Variants in DSE observed in about 807,000 individuals in gnomAD.
The protein encoded by DSE is dermatan sulfate epimerase, also known as dermatan-sulfate epimerase.
A neutral mutation model predicts 84.4 loss-of-function variants in DSE; 36 were observed. The observed-to-expected ratio is 0.43, with a 90% CI of 0.33 to 0.56. DSE has a LOEUF of 0.56. Ranked by LOEUF, DSE falls within the 20% of genes least tolerant of loss-of-function variation. The pLI, the probability that DSE is intolerant of heterozygous loss-of-function variation, is 0.06. For synonymous variants in DSE, 410 were observed against 430.1 expected, an observed-to-expected ratio of 0.95 and a Z score of 0.58; for missense variants, 862 against 1,169.6, an observed-to-expected ratio of 0.74 and a Z score of 3.84.
chr6:116,320,086 A>C (rs1776210963), intron 2 of DSE, among the ~76,000 whole-genome samples: 1 of 152,212 alleles, frequency 6.6e-6, no homozygotes, highest in Non-Finnish European at 1.5e-5. Flanking sequence ...TCAAACACTG[A>C]AATGTTTGTT....
chr6:116,311,708 C>T (rs1775705093), intron 2 of DSE, among the ~76,000 whole-genome samples: 1 of 152,180 alleles, frequency 6.6e-6, no homozygotes, highest in African/African-American at 2.4e-5. Flanking sequence ...ACTTGCGATT[C>T]CTTGTGTATG....
chr6:116,414,639 C>T (rs1046076170), intron 2 of DSE, among the ~76,000 whole-genome samples: 10 of 151,966 alleles, frequency 6.6e-5, no homozygotes, highest in African/African-American at 2.2e-4. Flanking sequence ...CTCGAACTCC[C>T]GACCTCAGGT....
chr6:116,277,066 CTGT>C (rs1380460080), intron 2 of DSE: 2 of 152,338 alleles, frequency 1.3e-5, no homozygotes, highest in Non-Finnish European at 2.9e-5. Context: ...GCAAGTAAGA[CTGT>C]TGTTCTTCCA....
intron 2 of DSE, among the ~76,000 whole-genome samples, chr6:116,424,304 T>C (rs1783287810): frequency 6.6e-6 from 1 of 152,252 alleles, no homozygotes; most frequent in Non-Finnish European, 1.5e-5. Context: ...TCTCATAGTC[T>C]GTTTACAAAC....
chr6:116,432,117 T>C (rs985793534), intron 4 of DSE, among the ~76,000 whole-genome samples: 2 of 152,234 alleles, frequency 1.3e-5, no homozygotes, highest in African/African-American at 4.8e-5. Flanking sequence ...GCTTTGTTGC[T>C]TTTTCTTAGA....
chr6:116,294,352 G>A (rs1324979577), intron 2 of DSE, among the ~76,000 whole-genome samples: 1 of 152,180 alleles, frequency 6.6e-6, no homozygotes, highest in Non-Finnish European at 1.5e-5. Flanking sequence ...ACACTTAGAA[G>A]CAGGGTGCTG....
chr6:116,381,968 A>G (rs962885603), intron 1 of DSE, among the ~76,000 whole-genome samples: 1 of 151,822 alleles, frequency 6.6e-6, no homozygotes, highest in Admixed American at 6.6e-5. Context: ...GGTGGCTTCT[A>G]CCAATCTTTG....
At chr6:116,378,532 C>T (rs1305696237) in intron 1 of DSE, among the ~76,000 whole-genome samples, 1 of 152,070 alleles carries the variant, frequency 6.6e-6, no homozygotes, top group East Asian at 1.9e-4. Context: ...TTGAGGTAAA[C>T]ATTGCAAAAC....
chr6:116,350,997 TAC>T (rs1239274265), intron 2 of DSE, among the ~76,000 whole-genome samples: 1 of 152,206 alleles, frequency 6.6e-6, no homozygotes, highest in Non-Finnish European at 1.5e-5. Flanking sequence ...ACATAGAACT[TAC>T]AGTCTTAAAA....
At chr6:116,418,059 T>C (rs1782831755) in intron 2 of DSE, among the ~76,000 whole-genome samples, 3 of 152,146 alleles carry the variant, frequency 2.0e-5, no homozygotes, top group Admixed American at 6.5e-5. Context: ...GTAGTCAATG[T>C]ACATGTGATT....
chr6:116,293,671 G>T (rs1035333645), intron 2 of DSE, among the ~76,000 whole-genome samples: 1 of 152,064 alleles, frequency 6.6e-6, no homozygotes, highest in African/African-American at 2.4e-5. Context: ...GGAGACAAAG[G>T]CAACAAGATT....
intron 2 of DSE, chr6:116,279,623 C>CCGCG (rs1773374555): frequency 6.2e-7 from 1 of 1,603,076 alleles, no homozygotes. Flanking sequence ...TCCTGGGGTA[C>CCGCG]GCCCCCCTCC....
intron 2 of DSE, among the ~76,000 whole-genome samples, chr6:116,280,495 A>G (rs1773458502): frequency 6.6e-6 from 1 of 152,250 alleles, no homozygotes; most frequent in African/African-American, 2.4e-5. Context: ...TGTGCTGCAT[A>G]GTATCGGTAG....
At position 116,370,995 on chromosome 6, in the gene DSE, C is replaced by G. The variant is rs1290250554; in HGVS notation, c.-180C>G. 6 of 985,432 alleles carry G rather than the reference C, an allele frequency of 6.1e-6. No individual in the cohort carries two copies. Among genetic ancestry groups the G allele is most frequent in the Non-Finnish European group, 7.2e-6 (6 of 830,128 alleles). The allele number at this position is 985,432 out of a possible 1,614,324, so 61.0% of individuals were successfully genotyped here. A position where few individuals can be genotyped will look rare whatever the true frequency, so the allele number is the denominator to read the frequency against. On this transcript the variant is annotated 5_prime_UTR_variant, in exon 1 of 6. Coordinates refer to ENST00000644252, the MANE Select transcript of DSE (RefSeq NM_013352.4). ...CAGCGCATCCCGGGGCATGGCGCGG[C>G]GGGGGCGCGGAGGGCTCGGTTCGGA...
intron 2 of DSE, among the ~76,000 whole-genome samples, chr6:116,323,451 A>T (rs1776444440): frequency 6.6e-6 from 1 of 152,228 alleles, no homozygotes; most frequent in Non-Finnish European, 1.5e-5. Flanking sequence ...TTTCAGTGGC[A>T]GCAAGGCAGA....
intron 2 of DSE, among the ~76,000 whole-genome samples, chr6:116,288,688 A>C (rs1774088398): frequency 6.6e-6 from 1 of 152,114 alleles, no homozygotes; most frequent in Non-Finnish European, 1.5e-5. Flanking sequence ...CAGTCACACT[A>C]ATTACATTTC....
At chr6:116,418,967 CTTAA>C (rs1244378619) in intron 2 of DSE, among the ~76,000 whole-genome samples, 1 of 152,182 alleles carries the variant, frequency 6.6e-6, no homozygotes, top group African/African-American at 2.4e-5. Context: ...ATAACATGTG[CTTAA>C]TTAATATGAA....
At chr6:116,425,654 G>A (rs1191156226) in intron 2 of DSE, among the ~76,000 whole-genome samples, 1 of 136,700 alleles carries the variant, frequency 7.3e-6, no homozygotes, top group Non-Finnish European at 1.5e-5. Context: ...ACGGAGTCTC[G>A]CTGTGTCTCC....
chr6:116,437,637 TTAAAG>T lies in DSE; in HGVS notation c.*296_*300del. 4.5e-6 allele frequency: 1 copy of T among 222,002 alleles called. No homozygotes were observed. Among genetic ancestry groups the T allele is most frequent in the Non-Finnish European group, 8.7e-6 (1 of 115,028 alleles). 13.8% of individuals were successfully genotyped at this position (222,002 alleles called of 1,614,324 possible). On this transcript the variant is annotated 3_prime_UTR_variant, in exon 6 of 6. Transcript: ENST00000644252. The stretch of plus-strand genomic sequence containing the variant: ...TTAGAAGAAACAAAAAGTCTATTTT[TTAAAG>T]TAATGTTTTTTCTTATGAGAAAAAG...
Sources: gnomAD v4.1 joint callset for allele counts (sites outside exome capture counted in the v4.1 genomes callset) on GRCh38, gnomAD v4.1.1 for gene constraint, MANE v1.5 for transcripts, NCBI Gene and HGNC (gene_info 2026-07-23, HGNC 2026-07-21) for gene names.